TCERG1L: variants seen among roughly 807,000 people sequenced by gnomAD.
The protein encoded by TCERG1L is transcription elongation regulator 1-like protein.
TCERG1L carries 37 observed loss-of-function variants against 56.3 expected under a neutral mutation model. The observed-to-expected ratio is 0.66, with a 90% CI of 0.51 to 0.87. The LOEUF (loss-of-function observed/expected upper bound fraction) is 0.87, where lower values mean the gene tolerates loss of function less well. TCERG1L is among the 40% of genes least tolerant of loss of function. The pLI, the probability that TCERG1L is intolerant of heterozygous loss-of-function variation, is 0.00. For missense variants in TCERG1L, 799 were observed against 774.2 expected (o/e 1.03, Z -0.38); for synonymous variants, 324 against 326.3 (o/e 0.99, Z 0.08).
In TCERG1L at chr10:131,111,180, G is replaced by A. The variant is rs1049820945; in HGVS notation, c.1395+5619C>T. Among the ~76,000 whole-genome samples, 7 of 142,978 alleles carry A rather than the reference G, an allele frequency of 4.9e-5. 2 individuals carry two copies. The highest frequency in any genetic ancestry group is 1.6e-5 in the Non-Finnish European group (1 of 63,482). 93.8% of individuals were successfully genotyped at this position (142,978 alleles called of 152,430 possible). On this transcript the variant is annotated intron_variant, in intron 9 of 11. Coordinates refer to ENST00000368642, the MANE Select transcript of TCERG1L (RefSeq NM_174937.4). ...GGAAAGCTGGAGCCATGCCCGCTCC[G>A]ACCCTGACACTGGGGCTGGGCTCAG...
chr10:131,297,032 A>C (rs1846701461), intron 3 of TCERG1L, among the ~76,000 whole-genome samples: 1 of 152,124 alleles, frequency 6.6e-6, no homozygotes, highest in Non-Finnish European at 1.5e-5. Flanking sequence ...GCACATAGAG[A>C]CAGTTTTGTG....
intron 4 of TCERG1L, among the ~76,000 whole-genome samples, chr10:131,203,300 G>A (rs528386131): frequency 1.8e-4 from 12 of 67,112 alleles, no homozygotes; most frequent in African/African-American, 5.4e-4. Flanking sequence ...GGGTGACAGA[G>A]TGAGACTCCG....
intron 4 of TCERG1L, among the ~76,000 whole-genome samples, chr10:131,257,007 A>T: frequency 7.4e-6 from 1 of 135,142 alleles, no homozygotes; most frequent in African/African-American, 2.7e-5. Flanking sequence ...GAAAGAAAGA[A>T]AGAAAGAAAG....
intron 3 of TCERG1L, among the ~76,000 whole-genome samples, chr10:131,284,248 AAAAAG>A (rs1477745848): frequency 1.3e-5 from 2 of 152,182 alleles, no homozygotes; most frequent in African/African-American, 4.8e-5. Context: ...AATGAATAAC[AAAAAG>A]AAAATTTTAA....
At chr10:131,114,841 T>A (rs1168457144) in intron 9 of TCERG1L, among the ~76,000 whole-genome samples, 1 of 152,198 alleles carries the variant, frequency 6.6e-6, no homozygotes, top group African/African-American at 2.4e-5. Context: ...CTTTCCCAAA[T>A]GTTCACGATG....
chr10:131,126,984 C>T (rs990956080), intron 8 of TCERG1L, among the ~76,000 whole-genome samples: 1 of 152,142 alleles, frequency 6.6e-6, no homozygotes, highest in Non-Finnish European at 1.5e-5. Context: ...AAAAAGCAAA[C>T]CCACAACAAC....
chr10:131,278,848 C>G (rs1453397453), intron 3 of TCERG1L, among the ~76,000 whole-genome samples: 1 of 152,186 alleles, frequency 6.6e-6, no homozygotes, highest in Non-Finnish European at 1.5e-5. Context: ...GGGAGCTCTC[C>G]TGGGCTCATG....
At chr10:131,310,253 CTGATA>C (rs1296325909) in intron 1 of TCERG1L, among the ~76,000 whole-genome samples, 1 of 152,170 alleles carries the variant, frequency 6.6e-6, no homozygotes, top group African/African-American at 2.4e-5. Flanking sequence ...TGGCAGCACT[CTGATA>C]TAACACCCCT....
At position 131,111,324 on chromosome 10, in the gene TCERG1L, A is replaced by T. The variant is rs1386845934; in HGVS notation, c.1395+5475T>A. ...AGGGTGTCCCAGGGACAGCAGCTGC[A>T]GTCTCTGCCCCTCAAGGAAAGCTGG... On this transcript the variant is annotated intron_variant, in intron 9 of 11. Transcript: ENST00000368642. Among the ~76,000 whole-genome samples, 3 of 142,398 alleles carry T rather than the reference A, an allele frequency of 2.1e-5. 1 individual carries two copies. Among genetic ancestry groups the T allele is most frequent in the Non-Finnish European group, 4.7e-5 (3 of 63,348 alleles). 93.4% of individuals were successfully genotyped at this position (142,398 alleles called of 152,430 possible).
intron 8 of TCERG1L, among the ~76,000 whole-genome samples, chr10:131,121,157 G>C (rs949389521): frequency 6.6e-6 from 1 of 152,292 alleles, no homozygotes; most frequent in Middle Eastern, 3.4e-3. Context: ...GCAGGGAAGA[G>C]ACATAGACGC....
chr10:131,101,939 T>C (rs1053887834), intron 10 of TCERG1L, among the ~76,000 whole-genome samples: 4 of 152,204 alleles, frequency 2.6e-5, no homozygotes, highest in African/African-American at 7.2e-5. Flanking sequence ...TGACCTCAGA[T>C]GATCCGCCCA....
At chr10:131,237,885 T>C (rs1845930060) in intron 4 of TCERG1L, among the ~76,000 whole-genome samples, 5 of 152,238 alleles carry the variant, frequency 3.3e-5, no homozygotes, top group Admixed American at 3.3e-4. Context: ...GGCGGGCGTA[T>C]GCTCATTACT....
chr10:131,176,115 C>T (rs1312438910), intron 4 of TCERG1L, among the ~76,000 whole-genome samples: 1 of 152,176 alleles, frequency 6.6e-6, no homozygotes, highest in African/African-American at 2.4e-5. Flanking sequence ...AGTGGGTGTC[C>T]CTCCAAATGG....
chr10:131,307,436 G>A (rs1466238825), intron 3 of TCERG1L, among the ~76,000 whole-genome samples: 2 of 152,184 alleles, frequency 1.3e-5, no homozygotes, highest in Admixed American at 1.3e-4. Context: ...CACATATTGA[G>A]ACAAGCTTGG....
chr10:131,162,399 A>G, intron 6 of TCERG1L: 1 of 152,418 alleles, frequency 6.6e-6, no homozygotes, highest in Non-Finnish European at 1.5e-5. Flanking sequence ...GGACCAGGGC[A>G]TGGCACAGCA....
At chr10:131,277,620 G>C (rs1046256924) in intron 3 of TCERG1L, among the ~76,000 whole-genome samples, 7 of 152,224 alleles carry the variant, frequency 4.6e-5, no homozygotes, top group Admixed American at 1.3e-4. Context: ...TCTCGTCTGG[G>C]GAGCAGACCA....
intron 3 of TCERG1L, among the ~76,000 whole-genome samples, chr10:131,294,435 A>G (rs1228021396): frequency 6.6e-6 from 1 of 152,144 alleles, no homozygotes; most frequent in Non-Finnish European, 1.5e-5. Flanking sequence ...TAAAAATCTG[A>G]GCCTTTCCTT....
In TCERG1L at chr10:131,092,567, G is replaced by A. The variant is rs1845190934; in HGVS notation, c.*595C>T. On this transcript the variant is annotated 3_prime_UTR_variant, in exon 12 of 12. Transcript: ENST00000368642. ...CCGGTGGCAACCAACACGGCTCCCT[G>A]CTCCAGGCCGGGACGCCCCTCTGGG... is the stretch of plus-strand genomic sequence containing the variant. 6.6e-6 allele frequency: 1 copy of A among 152,596 alleles called. No individual in the cohort carries two copies. Among genetic ancestry groups the A allele is most frequent in the African/African-American group, 2.4e-5 (1 of 41,450 alleles). 9.5% of individuals were successfully genotyped at this position (152,596 alleles called of 1,614,324 possible).
At chr10:131,171,351 G>A (rs1050923628) in intron 4 of TCERG1L, among the ~76,000 whole-genome samples, 3 of 152,102 alleles carry the variant, frequency 2.0e-5, no homozygotes, top group Admixed American at 6.5e-5. Context: ...TCAGGGTCCT[G>A]GAAGCTTTTC....
Sources: allele counts gnomAD v4.1 joint callset (sites outside exome capture counted in the v4.1 genomes callset), GRCh38; gene constraint gnomAD v4.1.1; transcripts MANE v1.5; gene names NCBI Gene and HGNC (gene_info 2026-07-23, HGNC 2026-07-21).